EDDM3B: variants seen among roughly 807,000 people sequenced by gnomAD.
The protein encoded by EDDM3B is epididymal protein 3B, also known as epididymal secretory protein E3-beta.
For missense variants in EDDM3B, 189 were observed against 178.3 expected (o/e 1.06, Z -0.34); for synonymous variants, 71 against 59.1 (o/e 1.20, Z -0.92).
intron 1 of EDDM3B, among the ~76,000 whole-genome samples, chr14:20,769,716 T>C (rs530488713): frequency 6.6e-6 from 1 of 152,348 alleles, no homozygotes; most frequent in East Asian, 1.9e-4. Context: ...TTACTCATTT[T>C]CTACATTTCC....
rs150006987 is a variant in EDDM3B, at chr14:20,770,177, C to A, written c.27C>A (p.Gly9=). 10 of 1,612,694 alleles carry A rather than the reference C, an allele frequency of 6.2e-6. No homozygotes were observed. In the African/African-American group the frequency reaches 1.3e-4, roughly 22 times the overall value. Residue 9 remains glycine (G), a synonymous_variant, in exon 2 of 2, where the codon GGC becomes GGA. Transcript: ENST00000326783. Reference sequence around the variant, plus strand: ...TGGCATCGTCTCTAAAGATCTGGGGCACACTCTTGGCCCTACTTTGCATCC... The same window carrying A: ...TGGCATCGTCTCTAAAGATCTGGGGAACACTCTTGGCCCTACTTTGCATCC... MASSLKIW[G]TLLALLCILC...
chr14:20,768,459 C>T lies in EDDM3B; in HGVS notation c.-66C>T, dbSNP rs1199516674. 1 of 152,286 alleles carries T rather than the reference C, an allele frequency of 6.6e-6. No individual in the cohort carries two copies. The highest frequency in any genetic ancestry group is 1.5e-5 in the Non-Finnish European group (1 of 68,122). 9.4% of individuals were successfully genotyped at this position (152,286 alleles called of 1,614,324 possible). ...TCAGACTCTGCTCTTCAGATCCACA[C>T]ACTGATCCCAACTACAACCAGTGAC... On this transcript the variant is annotated 5_prime_UTR_variant, in exon 1 of 2. Transcript: ENST00000326783.
At chr14:20,769,515 C>T (rs1356599395) in intron 1 of EDDM3B, among the ~76,000 whole-genome samples, 1 of 152,048 alleles carries the variant, frequency 6.6e-6, no homozygotes, top group Non-Finnish European at 1.5e-5. Context: ...GGGGAATGAC[C>T]CCTGAGAAGG....
At chr14:20,770,108 CT>C in intron 1 of EDDM3B, 24 bp from the exon 2 acceptor site, 2 of 1,535,682 alleles carry the variant, frequency 1.3e-6, no homozygotes, top group Non-Finnish European at 1.8e-6. Context: ...TAATGCTTTT[CT>C]TTCTCTTCTC....
chr14:20,770,622 G>T lies in EDDM3B; in HGVS notation c.*28G>T. ...AGTCTATGCACATCCTCAGGTATTGGTAGAGTATTCAGTGCTTTCTAAGTA... is the reference window on the plus strand; with the variant it reads ...AGTCTATGCACATCCTCAGGTATTGTTAGAGTATTCAGTGCTTTCTAAGTA... On this transcript the variant is annotated 3_prime_UTR_variant, in exon 2 of 2. Transcript: ENST00000326783. The T allele has an allele frequency of 1.3e-6, 2 of 1,575,614 alleles. No homozygotes were observed. Among genetic ancestry groups the T allele is most frequent in the South Asian group, 1.2e-5 (1 of 84,642 alleles).
rs759272433 is a variant in EDDM3B, at chr14:20,770,545, A to G, written c.395A>G (p.Tyr132Cys). 1.4e-5 allele frequency: 23 copies of G among 1,614,150 alleles called. No individual in the cohort carries two copies. The highest frequency in any genetic ancestry group is 1.9e-5 in the Non-Finnish European group (23 of 1,180,020). ...GAATTCCATTGTAGCATGGACGGGT[A>G]TGTTGATAGCATAGAAGACCTAAAG... Reference protein sequence around the residue: ...YIEFHCSMDGYVDSIEDLKMV... With the variant: ...YIEFHCSMDGCVDSIEDLKMV... The change falls in exon 2 of 2, where the codon TAT (tyrosine) becomes TGT (cysteine). Residue 132 changes from tyrosine (Y) to cysteine (C), a missense_variant. Coordinates refer to ENST00000326783, the MANE Select transcript of EDDM3B (RefSeq NM_022360.5).
Position 20,770,575 on chromosome 14 carries a change from T to C in EDDM3B, c.425T>C (p.Val142Ala). 1 of 1,612,000 alleles carries C rather than the reference T, an allele frequency of 6.2e-7. No individual in the cohort carries two copies. Among genetic ancestry groups the C allele is most frequent in the Non-Finnish European group, 8.5e-7 (1 of 1,178,892 alleles). The change falls in exon 2 of 2, where the codon GTA becomes GCA. Residue 142 changes from valine (V) to alanine (A), a missense_variant. Transcript: ENST00000326783. The stretch of plus-strand genomic sequence containing the variant: ...GATAGCATAGAAGACCTAAAGATGG[T>C]AGAACCTATCGGCAACTAGAAAGTC... ...YVDSIEDLKM[V>A]EPIGN
At chr14:20,768,737 A>C (rs1230010868) in intron 1 of EDDM3B, among the ~76,000 whole-genome samples, 1 of 152,176 alleles carries the variant, frequency 6.6e-6, no homozygotes, top group African/African-American at 2.4e-5. Flanking sequence ...CTGCTCTTCT[A>C]TCCTCTGTAG....
chr14:20,768,959 A>G (rs1314660084), intron 1 of EDDM3B, among the ~76,000 whole-genome samples: 3 of 152,206 alleles, frequency 2.0e-5, no homozygotes, highest in African/African-American at 7.2e-5. Context: ...GGGCGGGAAC[A>G]CTTCTCATGG....
chr14:20,770,215 T>C lies in EDDM3B; in HGVS notation c.65T>C (p.Leu22Pro). Residue 22 changes from leucine to proline, a missense_variant, in exon 2 of 2, where the codon CTT (leucine) becomes CCT (proline). Physicochemically the swap from Leu to Pro is moderately conservative, Grantham distance 98 (BLOSUM62 -3). Transcript: ENST00000326783. Reference sequence around the variant, plus strand: ...CTACTTTGCATCCTATGCACACTGCTTGTACAGAGCAAAGAAGTTTCTTGG... The same window carrying C: ...CTACTTTGCATCCTATGCACACTGCCTGTACAGAGCAAAGAAGTTTCTTGG... ...LALLCILCTLLVQSKEVSWRE... is the reference protein window; with the variant it reads ...LALLCILCTLPVQSKEVSWRE... 1 of 1,614,168 alleles carries C rather than the reference T, an allele frequency of 6.2e-7. No individual in the cohort carries two copies. The highest frequency in any genetic ancestry group is 8.5e-7 in the Non-Finnish European group (1 of 1,180,024).
In EDDM3B at chr14:20,770,637, C is replaced by A. The variant is rs753031575; in HGVS notation, c.*43C>A. ...TCAGGTATTGGTAGAGTATTCAGTG[C>A]TTTCTAAGTAGCAGCCCCTGCCTCC... On this transcript the variant is annotated 3_prime_UTR_variant, in exon 2 of 2. Coordinates refer to ENST00000326783, the MANE Select transcript of EDDM3B (RefSeq NM_022360.5). 4.0e-6 allele frequency: 6 copies of A among 1,513,224 alleles called. No homozygotes were observed. Among genetic ancestry groups the A allele is most frequent in the Non-Finnish European group, 5.4e-6 (6 of 1,117,066 alleles). The allele number at this position is 1,513,224 out of a possible 1,614,324, so 93.7% of individuals were successfully genotyped here. A position where few individuals can be genotyped will look rare whatever the true frequency, so the allele number is the denominator to read the frequency against.
rs777529809 is a variant in EDDM3B at position 20,770,493 on chromosome 14, A to G, written c.343A>G (p.Thr115Ala). ...CHQENSKNSY[T>A]ESRSFNYIEF... is the part of the protein sequence containing the mutation. ...CCAGGAGAATTCCAAAAATAGCTAC[A>G]CAGAGAGCAGGAGCTTCAACTACAT... is the stretch of plus-strand genomic sequence containing the variant. The change falls in exon 2 of 2, where the codon ACA becomes GCA. Residue 115 changes from threonine (T) to alanine (A), a missense_variant. Thr to Ala is a moderately conservative substitution (Grantham distance 58). Coordinates refer to ENST00000326783, the MANE Select transcript of EDDM3B (RefSeq NM_022360.5). 5.0e-6 allele frequency: 8 copies of G among 1,614,166 alleles called. No homozygotes were observed. The South Asian group carries it at 8.8e-5, about 18-fold the overall frequency.
intron 1 of EDDM3B, among the ~76,000 whole-genome samples, chr14:20,769,898 A>G (rs911508959): frequency 6.6e-6 from 1 of 152,220 alleles, no homozygotes; most frequent in Non-Finnish European, 1.5e-5. Flanking sequence ...GGAATTCTCA[A>G]AATGAACTTC....
intron 1 of EDDM3B, among the ~76,000 whole-genome samples, chr14:20,769,753 C>G (rs1203836469): frequency 1.3e-5 from 2 of 152,192 alleles, no homozygotes; most frequent in African/African-American, 4.8e-5. Flanking sequence ...CTTTCCACTT[C>G]AAGGACATAA....
Position 20,770,291 on chromosome 14 carries a change from G to A in EDDM3B, c.141G>A (p.Glu47=). ...HYLSPSREFR[E]YKCDVLMREN... ...TAAGTCCAAGTCGAGAATTCAGAGA[G>A]TACAAATGTGATGTCCTCATGAGAG... The change falls in exon 2 of 2, where the codon GAG becomes GAA. Residue 47 remains glutamate (E), a synonymous_variant. Coordinates refer to ENST00000326783, the MANE Select transcript of EDDM3B (RefSeq NM_022360.5). The A allele has an allele frequency of 1.2e-6, 2 of 1,614,176 alleles. No homozygotes were observed. Among genetic ancestry groups the A allele is most frequent in the Non-Finnish European group, 1.7e-6 (2 of 1,180,028 alleles).
In EDDM3B at chr14:20,770,461, A is replaced by G. The variant is rs1878309593; in HGVS notation, c.311A>G (p.Lys104Arg). The change falls in exon 2 of 2, where the codon AAG becomes AGG. Residue 104 changes from lysine (K) to arginine (R), a missense_variant. Transcript: ENST00000326783. ...GTCCAGAATCCTCTCAAAGTACTCA[A>G]GTGTCACCAGGAGAATTCCAAAAAT... ...VWVQNPLKVL[K>R]CHQENSKNSY... is the part of the protein sequence containing the mutation. The G allele has an allele frequency of 6.2e-7, 1 of 1,614,210 alleles. No individual in the cohort carries two copies. Among genetic ancestry groups the G allele is most frequent in the East Asian group, 2.2e-5 (1 of 44,872 alleles).
At chr14:20,768,787 C>T (rs1271107237) in intron 1 of EDDM3B, among the ~76,000 whole-genome samples, 1 of 152,168 alleles carries the variant, frequency 6.6e-6, no homozygotes, top group Non-Finnish European at 1.5e-5. Context: ...ATAGGAAGTA[C>T]CGACCCTTTG....
chr14:20,770,649 C>G lies in EDDM3B; in HGVS notation c.*55C>G. ...AGAGTATTCAGTGCTTTCTAAGTAGCAGCCCCTGCCTCCATCAATAGTCCT... is the reference window on the plus strand; with the variant it reads ...AGAGTATTCAGTGCTTTCTAAGTAGGAGCCCCTGCCTCCATCAATAGTCCT... On this transcript the variant is annotated 3_prime_UTR_variant, in exon 2 of 2. Transcript: ENST00000326783. 1 of 1,401,128 alleles carries G rather than the reference C, an allele frequency of 7.1e-7. No homozygotes were observed. The highest frequency in any genetic ancestry group is 9.8e-7 in the Non-Finnish European group (1 of 1,023,526). 86.8% of individuals were successfully genotyped at this position (1,401,128 alleles called of 1,614,324 possible). A position where few individuals can be genotyped will look rare whatever the true frequency, so the allele number is the denominator to read the frequency against.
chr14:20,769,782 C>T (rs1262990603), intron 1 of EDDM3B, among the ~76,000 whole-genome samples: 1 of 152,182 alleles, frequency 6.6e-6, no homozygotes, highest in South Asian at 2.1e-4. Flanking sequence ...ATATCATTCT[C>T]TTTTGGACAC....
Sources: gnomAD v4.1 joint callset for allele counts (sites outside exome capture counted in the v4.1 genomes callset) on GRCh38, gnomAD v4.1.1 for gene constraint, MANE v1.5 for transcripts, NCBI Gene and HGNC (gene_info 2026-07-23, HGNC 2026-07-21) for gene names.